The following NFAT5 variants were observed in gnomAD, a reference collection of about 807,000 sequenced individuals.
NFAT5 encodes nuclear factor of activated T cells 5, also known as nuclear factor of activated T-cells 5.
A neutral mutation model predicts 166.5 loss-of-function variants in NFAT5; 31 were observed. The observed-to-expected ratio is 0.19, with a 90% CI of 0.14 to 0.25. The LOEUF is 0.25. NFAT5 is among the 10% of genes least tolerant of loss of function. The pLI, the probability that NFAT5 is intolerant of heterozygous loss-of-function variation, is 1.00. For missense variants in NFAT5, 1,449 were observed against 1,821.8 expected, an observed-to-expected ratio of 0.80 and a Z score of 3.72; for synonymous variants, 612 against 639.7, an observed-to-expected ratio of 0.96 and a Z score of 0.65.
intron 9 of NFAT5, among the ~76,000 whole-genome samples, chr16:69,674,277 T>A (rs1597521695): frequency 6.7e-6 from 1 of 149,028 alleles, no homozygotes. Context: ...TACGGTATTA[T>A]AAATATTGAG....
chr16:69,639,782 G>A (rs774000936), intron 3 of NFAT5, among the ~76,000 whole-genome samples: 18 of 152,140 alleles, frequency 1.2e-4, no homozygotes, highest in Non-Finnish European at 2.2e-4. Flanking sequence ...CTTCAAAAGA[G>A]TTTGGGTAAG....
At chr16:69,631,519 T>G (rs547319254) in intron 3 of NFAT5, among the ~76,000 whole-genome samples, 1 of 152,190 alleles carries the variant, frequency 6.6e-6, no homozygotes, top group Non-Finnish European at 1.5e-5. Flanking sequence ...TTAATAATTC[T>G]TTTTTTGCAT....
intron 2 of NFAT5, among the ~76,000 whole-genome samples, chr16:69,598,474 CATTGTTA>C (rs2032937655): frequency 6.6e-6 from 1 of 150,996 alleles, no homozygotes; most frequent in East Asian, 1.9e-4. Context: ...AAAGACTCAC[CATTGTTA>C]ATAGGGAAGA....
rs1555534920 is a variant in NFAT5 at position 69,693,455 on chromosome 16, G to C, written c.3630G>C (p.Gln1210His). 1 of 1,614,106 alleles carries C rather than the reference G, an allele frequency of 6.2e-7. No homozygotes were observed. The highest frequency in any genetic ancestry group is 8.5e-7 in the Non-Finnish European group (1 of 1,180,026). The part of the protein sequence containing the change: ...FQQQAPISHI[Q>H]TPMLSQEQAQ... Reference sequence around the variant, plus strand: ...AGCAAGCTCCAATATCACACATCCAGACTCCTATGCTTTCCCAAGAACAGG... The same window carrying C: ...AGCAAGCTCCAATATCACACATCCACACTCCTATGCTTTCCCAAGAACAGG... Residue 1210 changes from glutamine (Q) to histidine (H), a missense_variant, in exon 13 of 15, where the codon CAG becomes CAC. Gln to His is a conservative substitution (Grantham distance 24). Around this residue, in one of 7 missense-constraint regions of NFAT5, gnomAD observed 891 missense variants for 993.0 expected, o/e 0.90. Coordinates refer to ENST00000349945, the MANE Select transcript of NFAT5 (RefSeq NM_138713.4).
At chr16:69,626,636 T>G in intron 3 of NFAT5, 108 bp downstream of exon 3, 1 of 977,798 alleles carries the variant, frequency 1.0e-6, no homozygotes, top group South Asian at 4.3e-5. Context: ...ATTTGAGGGT[T>G]TTAAAAAGAG....
intron 4 of NFAT5, chr16:69,649,635 C>T (rs1470190338): frequency 5.2e-6 from 4 of 773,234 alleles, no homozygotes; most frequent in Non-Finnish European, 6.3e-6. Flanking sequence ...GAATTTATAA[C>T]AACTATATTG....
chr16:69,641,700 T>C (rs1035909237), intron 3 of NFAT5, among the ~76,000 whole-genome samples: 1 of 152,238 alleles, frequency 6.6e-6, no homozygotes, highest in Non-Finnish European at 1.5e-5. Context: ...GTTAAAATAA[T>C]TTCTAGTTGA....
At chr16:69,624,902 T>TA (rs1335848569) in intron 2 of NFAT5, among the ~76,000 whole-genome samples, 45 of 150,130 alleles carry the variant, frequency 3.0e-4, no homozygotes, top group Admixed American at 1.5e-3. Context: ...GTTCTTTTTT[T>TA]TAAAAAAAAA....
intron 2 of NFAT5, among the ~76,000 whole-genome samples, chr16:69,600,020 A>G (rs1481307923): frequency 6.6e-6 from 1 of 152,198 alleles, no homozygotes; most frequent in Non-Finnish European, 1.5e-5. Context: ...AGAGAAAATC[A>G]ATTAGGAGGT....
chr16:69,602,075 A>C (rs1449635580), intron 2 of NFAT5, among the ~76,000 whole-genome samples: 1 of 152,128 alleles, frequency 6.6e-6, no homozygotes, highest in Non-Finnish European at 1.5e-5. Context: ...TATAGCTTTA[A>C]ACTTCAGTTT....
At chr16:69,687,084 T>G (rs1405619170) in intron 11 of NFAT5, among the ~76,000 whole-genome samples, 1 of 152,194 alleles carries the variant, frequency 6.6e-6, no homozygotes, top group East Asian at 1.9e-4. Context: ...GGAACATATC[T>G]GACAAACTTA....
chr16:69,594,599 A>G (rs1458926224), intron 2 of NFAT5, among the ~76,000 whole-genome samples: 1 of 152,168 alleles, frequency 6.6e-6, no homozygotes, highest in Non-Finnish European at 1.5e-5. Flanking sequence ...ACTGTCATAT[A>G]TGTGATCCAT....
At chr16:69,667,868 G>GT (rs1035616461) in intron 7 of NFAT5, among the ~76,000 whole-genome samples, 1 of 152,100 alleles carries the variant, frequency 6.6e-6, no homozygotes, top group African/African-American at 2.4e-5. Flanking sequence ...ATTTAAAAGG[G>GT]TATATCATTG....
chr16:69,618,518 C>T (rs2034060371), intron 2 of NFAT5, among the ~76,000 whole-genome samples: 1 of 152,190 alleles, frequency 6.6e-6, no homozygotes, highest in African/African-American at 2.4e-5. Context: ...GTGTTTTTAA[C>T]AAAATGAATG....
At chr16:69,666,992 A>G (rs2036409762) in intron 7 of NFAT5, among the ~76,000 whole-genome samples, 1 of 150,436 alleles carries the variant, frequency 6.6e-6, no homozygotes, top group Non-Finnish European at 1.5e-5. Context: ...CTATGCAGCC[A>G]TAAAAAATGA....
At chr16:69,581,861 C>G (rs1384159857) in intron 2 of NFAT5, among the ~76,000 whole-genome samples, 2 of 152,104 alleles carry the variant, frequency 1.3e-5, no homozygotes, top group Non-Finnish European at 2.9e-5. Context: ...CTAATTTGAG[C>G]TTATTAATAT....
intron 2 of NFAT5, among the ~76,000 whole-genome samples, chr16:69,571,039 T>G (rs2016400577): frequency 6.9e-6 from 1 of 144,756 alleles, no homozygotes; most frequent in South Asian, 2.2e-4. Context: ...TGCCAAGAAC[T>G]TTACAAATAA....
intron 4 of NFAT5, chr16:69,649,320 A>G (rs1037339160): frequency 2.1e-6 from 2 of 968,520 alleles, no homozygotes; most frequent in South Asian, 9.6e-5. Context: ...ATCAAAATGA[A>G]TGTTGAAGGT....
Position 69,693,609 on chromosome 16 carries a change from A to G in NFAT5, c.3784A>G (p.Asn1262Asp). The change falls in exon 13 of 15, where the codon AAC becomes GAC. Residue 1262 changes from asparagine (N) to aspartate (D), a missense_variant. By Grantham distance (23) the Asn-to-Asp change is conservative (BLOSUM62 1). This residue lies in a region of NFAT5 where 891 missense variants were observed against 993.0 expected (regional missense o/e 0.90). Coordinates refer to ENST00000349945, the MANE Select transcript of NFAT5 (RefSeq NM_138713.4). ...SQHSIVAMQS[N>D]SPSQEQQQQQ... ...GCACTCAATAGTTGCCATGCAGAGT[A>G]ACTCTCCATCCCAGGAACAGCAGCA... 6.2e-7 allele frequency: 1 copy of G among 1,614,204 alleles called. No homozygotes were observed. The highest frequency in any genetic ancestry group is 8.5e-7 in the Non-Finnish European group (1 of 1,180,044).
Sources: gnomAD v4.1 joint callset for allele counts (sites outside exome capture counted in the v4.1 genomes callset) on GRCh38, gnomAD v4.1.1 for gene constraint, gnomAD v4.1.1 regional missense constraint, MANE v1.5 for transcripts, NCBI Gene and HGNC (gene_info 2026-07-23, HGNC 2026-07-21) for gene names.